Variants in NUP93 observed in about 807,000 individuals in gnomAD.
NUP93 encodes nuclear pore complex protein Nup93.
NUP93 carries 55 observed loss-of-function variants against 107.8 expected under a neutral mutation model. The ratio of observed to expected loss-of-function variants is 0.51; its 90% CI spans 0.41 to 0.64. NUP93 has a LOEUF of 0.64. NUP93 is among the 30% of genes least tolerant of loss of function. NUP93 has a pLI of 0.00. For missense variants in NUP93, 937 were observed against 1,044.7 expected (o/e 0.90, Z 1.42); for synonymous variants, 390 against 397.5 (o/e 0.98, Z 0.22).
Position 56,798,510 on chromosome 16 carries a change from T to C in NUP93, c.332T>C (p.Leu111Pro). The C allele has an allele frequency of 1.2e-6, 2 of 1,614,174 alleles. No individual in the cohort carries two copies. Among genetic ancestry groups the C allele is most frequent in the South Asian group, 2.2e-5 (2 of 91,084 alleles). The change falls in exon 4 of 22, where the codon CTG becomes CCG. Residue 111 changes from leucine (L) to proline (P), a missense_variant. Leu to Pro is a moderately conservative substitution (Grantham distance 98, BLOSUM62 -3). Transcript: ENST00000308159. ...FLKNEKDNAL[L>P]SAIEESRKRT... ...AAGAATGAGAAGGACAATGCCCTGCTGTCTGCCATCGAAGAGTCCCGGAAG... is the reference window on the plus strand; with the variant it reads ...AAGAATGAGAAGGACAATGCCCTGCCGTCTGCCATCGAAGAGTCCCGGAAG...
chr16:56,827,069 A>AAAAAAAAAAAAAAT (rs1430722800), intron 8 of NUP93, among the ~76,000 whole-genome samples: 21 of 125,704 alleles, frequency 1.7e-4, no homozygotes, highest in East Asian at 2.3e-4. Flanking sequence ...AAAAAAAAAA[A>AAAAAAAAAAAAAAT]TTTTGTTGAG....
chr16:56,808,716 AATAT>A (rs1316590395), intron 5 of NUP93, among the ~76,000 whole-genome samples: 5 of 34,900 alleles, frequency 1.4e-4, no homozygotes, highest in East Asian at 5.5e-3. Flanking sequence ...TACATATATA[AATAT>A]ATATAAATAC....
At chr16:56,821,426 G>A (rs925718872) in intron 6 of NUP93, 78 bp from the exon 7 acceptor site, 4 of 977,602 alleles carry the variant, frequency 4.1e-6, no homozygotes, top group African/African-American at 1.6e-5. Flanking sequence ...GCTTCTGCCG[G>A]CCATTGCCTG....
Position 56,758,548 on chromosome 16 carries a change from C to G in NUP93, c.190C>G (p.Leu64Val). 6.2e-7 allele frequency: 1 copy of G among 1,613,548 alleles called. No homozygotes were observed. The highest frequency in any genetic ancestry group is 8.5e-7 in the Non-Finnish European group (1 of 1,179,606). Residue 64 changes from leucine (L) to valine (V), a missense_variant, in exon 3 of 22, where the codon CTC (leucine) becomes GTC (valine). Physicochemically the swap from Leu to Val is conservative, Grantham distance 32. Coordinates refer to ENST00000308159, the MANE Select transcript of NUP93 (RefSeq NM_014669.5). Reference sequence around the variant, plus strand: ...TATATCCTCACATAGGTCAGTTCTCCTCGGGTCTCGGGGACTTGACATATC... The same window carrying G: ...TATATCCTCACATAGGTCAGTTCTCGTCGGGTCTCGGGGACTTGACATATC... ...ETADVKASVL[L>V]GSRGLDISHI...
intron 5 of NUP93, among the ~76,000 whole-genome samples, chr16:56,814,008 T>G (rs1454139091): frequency 6.6e-6 from 1 of 152,210 alleles, no homozygotes; most frequent in Non-Finnish European, 1.5e-5. Flanking sequence ...ACTGGACTTT[T>G]GCCTACAACT....
intron 3 of NUP93, among the ~76,000 whole-genome samples, chr16:56,797,479 G>A (rs975422071): frequency 7.2e-5 from 11 of 152,162 alleles, no homozygotes; most frequent in African/African-American, 2.7e-4. Context: ...CAAGGTGTTG[G>A]CGGGGAAGTG....
intron 5 of NUP93, among the ~76,000 whole-genome samples, chr16:56,816,496 C>CTACT (rs1323433299): frequency 6.6e-6 from 1 of 152,188 alleles, no homozygotes; most frequent in Non-Finnish European, 1.5e-5. Context: ...GCACATCCAT[C>CTACT]TACTTTAGGT....
At chr16:56,761,756 T>G (rs1379800512) in intron 3 of NUP93, among the ~76,000 whole-genome samples, 1 of 152,236 alleles carries the variant, frequency 6.6e-6, no homozygotes, top group Non-Finnish European at 1.5e-5. Context: ...TTTTGCCACT[T>G]ATGCATTGTC....
In NUP93 at chr16:56,833,496, T is replaced by C. The variant is rs1382772254; in HGVS notation, c.1537+90T>C. ...GCCACAAAACCACAACCAATAAGGA[T>C]TTGAGCAAAGGGTACCAGTCATTTT... is the stretch of plus-strand genomic sequence containing the variant. On this transcript the variant is annotated intron_variant, in intron 13 of 21. Coordinates refer to ENST00000308159, the MANE Select transcript of NUP93 (RefSeq NM_014669.5). 9 of 1,069,306 alleles carry C rather than the reference T, an allele frequency of 8.4e-6. No individual in the cohort carries two copies. The Admixed American group carries it at 2.7e-4, about 32-fold the overall frequency. The allele number at this position is 1,069,306 out of a possible 1,614,324, so 66.2% of individuals were successfully genotyped here.
chr16:56,761,097 G>GT (rs1297063538), intron 3 of NUP93, among the ~76,000 whole-genome samples: 1 of 152,196 alleles, frequency 6.6e-6, no homozygotes, highest in Non-Finnish European at 1.5e-5. Context: ...TGAAGTAAAA[G>GT]TTTAAGGCTT....
rs79037733 is a variant in NUP93 at position 56,833,048 on chromosome 16, C to T, written c.1346-167C>T. Among the ~76,000 whole-genome samples the T allele has an allele frequency of 9.2e-5, 14 of 152,330 alleles. No homozygotes were observed. The East Asian group carries it at 1.5e-3, about 17-fold the overall frequency. The stretch of plus-strand genomic sequence containing the variant: ...AGGAGCCAGGTCACATTTCACATGG[C>T]AGTTTACTGTATTCAGGGCCCCCTT... On this transcript the variant is annotated intron_variant, in intron 12 of 21. Coordinates refer to ENST00000308159, the MANE Select transcript of NUP93 (RefSeq NM_014669.5).
intron 5 of NUP93, among the ~76,000 whole-genome samples, chr16:56,813,860 G>A (rs1167905330): frequency 2.0e-5 from 3 of 152,080 alleles, no homozygotes; most frequent in Admixed American, 2.0e-4. Context: ...CAGCCTATGT[G>A]TGGCCCAAGT....
intron 12 of NUP93, 150 bp downstream of exon 12, chr16:56,832,538 C>T (rs1742765426): frequency 1.6e-6 from 1 of 638,242 alleles, no homozygotes; most frequent in African/African-American, 1.8e-5. Context: ...ACAAAACTAC[C>T]ATTCCAAATT....
intron 16 of NUP93, among the ~76,000 whole-genome samples, chr16:56,835,195 A>G (rs188112344): frequency 2.6e-5 from 4 of 152,188 alleles, no homozygotes; most frequent in African/African-American, 9.6e-5. Flanking sequence ...AGGGCTTTGA[A>G]CTCCACAGTG....
In NUP93 at chr16:56,845,520, G is replaced by T; in HGVS notation, c.*911G>T. On this transcript the variant is annotated 3_prime_UTR_variant, in exon 22 of 22. Transcript: ENST00000308159. Reference sequence around the variant, plus strand: ...ACCACCACATGGCATCAGCACCATGGGTGTTTGCTCCCTGAGCAGTAGTTG... The same window carrying T: ...ACCACCACATGGCATCAGCACCATGTGTGTTTGCTCCCTGAGCAGTAGTTG... 6.6e-6 allele frequency: 1 copy of T among 152,308 alleles called. No individual in the cohort carries two copies. 9.4% of individuals were successfully genotyped at this position (152,308 alleles called of 1,614,324 possible).
At position 56,840,143 on chromosome 16, in the gene NUP93, C is replaced by T. The variant is rs564769076; in HGVS notation, c.2220+539C>T. Among the ~76,000 whole-genome samples the T allele has an allele frequency of 2.0e-5, 3 of 152,292 alleles. No homozygotes were observed. In the East Asian group the frequency reaches 5.8e-4, roughly 29 times the overall value. On this transcript the variant is annotated intron_variant, in intron 20 of 21. Transcript: ENST00000308159. ...TCACACCATTCTCCTGCCTCAGCCT[C>T]ACGAGTAGCTGGGACTACAGGTGCC...
At chr16:56,779,668 C>G (rs984112993) in intron 3 of NUP93, among the ~76,000 whole-genome samples, 21 of 152,300 alleles carry the variant, frequency 1.4e-4, no homozygotes, top group African/African-American at 5.1e-4. Flanking sequence ...AAGCCAGCCA[C>G]TCATCTAGTT....
intron 17 of NUP93, among the ~76,000 whole-genome samples, 169 bp from the exon 18 acceptor site, chr16:56,837,439 T>C (rs763112325): frequency 3.3e-4 from 50 of 152,222 alleles, no homozygotes; most frequent in Non-Finnish European, 5.7e-4. Flanking sequence ...GGTGCATGCC[T>C]GTAATCCCAG....
At chr16:56,834,895 T>A in intron 16 of NUP93, 117 bp downstream of exon 16, 2 of 801,490 alleles carry the variant, frequency 2.5e-6, no homozygotes, top group South Asian at 4.5e-5. Context: ...TGAACAGAGT[T>A]GCTTAATTTA....
Sources: allele counts gnomAD v4.1 joint callset (sites outside exome capture counted in the v4.1 genomes callset), GRCh38; gene constraint gnomAD v4.1.1; transcripts MANE v1.5; gene names NCBI Gene and HGNC (gene_info 2026-07-23, HGNC 2026-07-21).